Variants in CLPB observed in about 807,000 individuals in gnomAD.
CLPB encodes mitochondrial disaggregase.
A neutral mutation model predicts 78.4 loss-of-function variants in CLPB; 40 were observed. The observed-to-expected ratio is 0.51, with a 90% CI of 0.40 to 0.66. The LOEUF (loss-of-function observed/expected upper bound fraction) is 0.66. Among genes scored for constraint, CLPB ranks in the 30% least tolerant of loss-of-function variants. The probability of loss-of-function intolerance (pLI) is 0.00; values close to 1 mark genes in which losing one functional copy is unlikely to be tolerated. For synonymous variants in CLPB, 333 were observed against 348.0 expected, an observed-to-expected ratio of 0.96 and a Z score of 0.48; for missense variants, 780 against 886.9, an observed-to-expected ratio of 0.88 and a Z score of 1.53.
chr11:72,401,253 C>T (rs1488048994), intron 3 of CLPB, among the ~76,000 whole-genome samples: 1 of 152,082 alleles, frequency 6.6e-6, no homozygotes, highest in African/African-American at 2.4e-5. Context: ...TTCTGGCCAA[C>T]ATGGTGAAAC....
intron 11 of CLPB, 54 bp from the exon 12 acceptor site, chr11:72,295,702 C>T: frequency 6.4e-7 from 1 of 1,574,104 alleles, no homozygotes; most frequent in Middle Eastern, 1.7e-4. Flanking sequence ...CCTGGGCAGG[C>T]CTTAGCACTC....
intron 9 of CLPB, 145 bp from the exon 10 acceptor site, chr11:72,302,493 T>C: frequency 1.4e-6 from 1 of 716,972 alleles, no homozygotes; most frequent in Non-Finnish European, 2.5e-6. Context: ...GATGTTTTTT[T>C]CTGACTTCCT....
intron 5 of CLPB, chr11:72,352,826 G>C (rs533112262): frequency 6.6e-6 from 1 of 152,282 alleles, no homozygotes; most frequent in African/African-American, 2.4e-5. Context: ...GTGAAAGAAT[G>C]CTGGAGCTGG....
intron 4 of CLPB, among the ~76,000 whole-genome samples, chr11:72,368,348 G>A (rs935455059): frequency 6.6e-6 from 1 of 152,176 alleles, no homozygotes; most frequent in African/African-American, 2.4e-5. Flanking sequence ...CTACTAGGCT[G>A]TTATATTATT....
intron 3 of CLPB, among the ~76,000 whole-genome samples, chr11:72,384,395 A>C (rs1312078196): frequency 6.6e-6 from 1 of 152,210 alleles, no homozygotes; most frequent in Non-Finnish European, 1.5e-5. Flanking sequence ...GGTATGGAAT[A>C]AAAGTGTAAA....
intron 3 of CLPB, among the ~76,000 whole-genome samples, chr11:72,396,302 G>A (rs555171635): frequency 6.6e-6 from 1 of 152,272 alleles, no homozygotes; most frequent in South Asian, 2.1e-4. Flanking sequence ...GAGGGAGGGA[G>A]ACTCTTGTGG....
intron 2 of CLPB, among the ~76,000 whole-genome samples, chr11:72,417,619 G>GA (rs1856061543): frequency 6.6e-6 from 1 of 152,096 alleles, no homozygotes; most frequent in African/African-American, 2.4e-5. Flanking sequence ...TACCTCAAAA[G>GA]AAAAAAGAAT....
chr11:72,361,169 T>G (rs1423086604), intron 4 of CLPB, among the ~76,000 whole-genome samples: 1 of 152,210 alleles, frequency 6.6e-6, no homozygotes, highest in African/African-American at 2.4e-5. Flanking sequence ...TGGTGGAGTG[T>G]GCAGCTGGAG....
chr11:72,342,891 C>T (rs1363397129), intron 5 of CLPB, among the ~76,000 whole-genome samples: 5 of 152,186 alleles, frequency 3.3e-5, no homozygotes, highest in African/African-American at 4.8e-5. Flanking sequence ...CATCTAACAA[C>T]ATTGAAAGGA....
chr11:72,432,232 A>G (rs536043277), intron 1 of CLPB, among the ~76,000 whole-genome samples: 61 of 152,324 alleles, frequency 4.0e-4, no homozygotes, highest in Non-Finnish European at 7.9e-4. Flanking sequence ...TGCATGGAAT[A>G]TAATCCAACT....
intron 3 of CLPB, among the ~76,000 whole-genome samples, chr11:72,391,746 A>G (rs1179428670): frequency 6.6e-6 from 1 of 152,174 alleles, no homozygotes; most frequent in Non-Finnish European, 1.5e-5. Flanking sequence ...TCCCAGACAA[A>G]GCTCAGGAAA....
intron 6 of CLPB, among the ~76,000 whole-genome samples, chr11:72,326,585 G>A (rs1950137185): frequency 1.3e-5 from 2 of 152,156 alleles, no homozygotes; most frequent in African/African-American, 2.4e-5. Context: ...GAGCAGGGTG[G>A]CAGGGGGATG....
At chr11:72,380,500 G>C (rs1854877552) in intron 3 of CLPB, 116 bp from the exon 4 acceptor site, 2 of 753,414 alleles carry the variant, frequency 2.7e-6, no homozygotes, top group Admixed American at 2.2e-5. Context: ...TGAGTGATAC[G>C]GTGGGAAAAA....
At chr11:72,302,976 C>T (rs1245089616) in intron 9 of CLPB, 1 of 153,214 alleles carries the variant, frequency 6.5e-6, no homozygotes, top group Admixed American at 6.4e-5. Context: ...GCTTTACAGC[C>T]CTTTTCTCTC....
At chr11:72,293,699 C>T in intron 15 of CLPB, 84 bp from the exon 16 acceptor site, 1 of 1,465,730 alleles carries the variant, frequency 6.8e-7, no homozygotes, top group Non-Finnish European at 9.1e-7. Flanking sequence ...GCTAGGGCAA[C>T]TCAGAGACCT....
chr11:72,410,510 G>A (rs182021719), intron 2 of CLPB, among the ~76,000 whole-genome samples: 86 of 152,290 alleles, frequency 5.6e-4, no homozygotes, highest in African/African-American at 1.9e-3. Context: ...CATAAGAAGA[G>A]CTTATACTAT....
At position 72,410,962 on chromosome 11, in the gene CLPB, GA is replaced by G. The variant is rs958876011; in HGVS notation, c.456-7911del. 811 of 148,080 alleles carry G rather than the reference GA, an allele frequency of 5.5e-3. 7 individuals are homozygous for G. The highest frequency in any genetic ancestry group is 0.019 in the African/African-American group (776 of 40,424). 9.2% of individuals were successfully genotyped at this position (148,080 alleles called of 1,614,324 possible). A position where few individuals can be genotyped will look rare whatever the true frequency, so the allele number is the denominator to read the frequency against. On this transcript the variant is annotated intron_variant, in intron 2 of 15. Transcript: ENST00000538039. ...CTTTTTTAAAATAAAACTTTCTTAG[GA>G]AAAAAAAAAGTCCTATACTTTAAGA... is the stretch of plus-strand genomic sequence containing the variant.
At chr11:72,416,214 A>G (rs1452445946) in intron 2 of CLPB, among the ~76,000 whole-genome samples, 1 of 152,192 alleles carries the variant, frequency 6.6e-6, no homozygotes, top group African/African-American at 2.4e-5. Flanking sequence ...CATTACTCCA[A>G]CTGCCCAGAA....
intron 3 of CLPB, among the ~76,000 whole-genome samples, chr11:72,400,293 G>C (rs1315882586): frequency 6.6e-6 from 1 of 152,144 alleles, no homozygotes; most frequent in Non-Finnish European, 1.5e-5. Flanking sequence ...GTAAAAATCT[G>C]TCCTCCCTGG....
Sources: gnomAD v4.1 joint callset for allele counts (sites outside exome capture counted in the v4.1 genomes callset) on GRCh38, gnomAD v4.1.1 for gene constraint, MANE v1.5 for transcripts, NCBI Gene and HGNC (gene_info 2026-07-23, HGNC 2026-07-21) for gene names.